The following SEMA3A variants were observed in gnomAD, a reference collection of about 807,000 sequenced individuals.
The protein encoded by SEMA3A is semaphorin 3A, also known as semaphorin-3A.
SEMA3A carries 29 observed loss-of-function variants against 97.9 expected under a neutral mutation model. The observed-to-expected ratio is 0.30, with a 90% CI of 0.22 to 0.40. SEMA3A has a LOEUF of 0.40. SEMA3A is among the 10% of genes least tolerant of loss of function. The probability of loss-of-function intolerance (pLI) is 1.00; values close to 1 mark genes in which losing one functional copy is unlikely to be tolerated. For missense variants in SEMA3A, 763 were observed against 951.3 expected (o/e 0.80, Z 2.60); for synonymous variants, 321 against 323.7 (o/e 0.99, Z 0.09).
At chr7:84,312,921 T>TATACACACACAC (rs1458168481) in intron 2 of SEMA3A, among the ~76,000 whole-genome samples, 1 of 32,888 alleles carries the variant, frequency 3.0e-5, no homozygotes, top group Non-Finnish European at 6.2e-5. Context: ...TATATATATA[T>TATACACACACAC]ACACACACAC....
intron 3 of SEMA3A, among the ~76,000 whole-genome samples, chr7:84,116,375 T>TA (rs1795431666): frequency 2.0e-5 from 3 of 152,294 alleles, no homozygotes; most frequent in Admixed American, 2.0e-4. Context: ...TTAGTTGCTT[T>TA]AAAAGGAGAT....
chr7:84,299,280 ATATATATC>A (rs1398350524), intron 3 of SEMA3A, among the ~76,000 whole-genome samples: 3 of 141,430 alleles, frequency 2.1e-5, no homozygotes, highest in African/African-American at 8.0e-5. Flanking sequence ...ATATCTCCAT[ATATATATC>A]TATCTCCATA....
chr7:84,001,061 TAATAC>T (rs1273335063), intron 12 of SEMA3A, among the ~76,000 whole-genome samples: 4 of 102,846 alleles, frequency 3.9e-5, no homozygotes, highest in Non-Finnish European at 6.3e-5. Flanking sequence ...CAACTTCTTC[TAATAC>T]GTGTTTTTTT....
chr7:84,063,077 C>T (rs566657217), intron 4 of SEMA3A, among the ~76,000 whole-genome samples: 21 of 151,836 alleles, frequency 1.4e-4, no homozygotes, highest in South Asian at 6.3e-4. Flanking sequence ...GATCTGAGAA[C>T]GGGCAGACTG....
At chr7:84,005,115 C>T (rs905914913) in intron 11 of SEMA3A, among the ~76,000 whole-genome samples, 3 of 152,128 alleles carry the variant, frequency 2.0e-5, no homozygotes, top group Admixed American at 1.3e-4. Context: ...ATACATATGG[C>T]ATACAACATA....
chr7:84,210,117 T>C (rs968508501), intron 3 of SEMA3A, among the ~76,000 whole-genome samples: 11 of 152,230 alleles, frequency 7.2e-5, no homozygotes, highest in Non-Finnish European at 1.2e-4. Context: ...TGAATAGTTA[T>C]CATTTTCAGC....
rs201522434 is a variant in SEMA3A at position 84,409,086 on chromosome 7, TA to T, written c.-245-37187del. 5.4e-3 allele frequency among the ~76,000 whole-genome samples: 794 copies of T among 147,660 alleles called. 5 individuals carry two copies. Among genetic ancestry groups the T allele is most frequent in the African/African-American group, 8.2e-3 (333 of 40,554 alleles). Reference sequence around the variant, plus strand: ...ATATATGTATATATATATTCAAATGTAAAAAAAAATACAGTTAGAAGGATAG... The same window carrying T: ...ATATATGTATATATATATTCAAATGTAAAAAAAATACAGTTAGAAGGATAG... On this transcript the variant is annotated intron_variant, in intron 1 of 3. Transcript: ENST00000424555.
chr7:83,985,626 A>T, intron 12 of SEMA3A, 149 bp from the exon 13 acceptor site: 1 of 673,724 alleles, frequency 1.5e-6, no homozygotes, highest in South Asian at 1.8e-5. Context: ...ACACATAAAG[A>T]AACTGCATAG....
rs888932562 is a variant in SEMA3A, at chr7:84,042,275, A to G, written c.667+4049T>C. Among the ~76,000 whole-genome samples, 3 of 152,082 alleles carry G rather than the reference A, an allele frequency of 2.0e-5. No homozygotes were observed. In the East Asian group the frequency reaches 5.8e-4, roughly 29 times the overall value. ...ACTTGCATACCATTTCAATTACAGA[A>G]AAAGAGCAAGTGAGTTAGTCTATCT... On this transcript the variant is annotated intron_variant, in intron 6 of 16. Transcript: ENST00000265362.
intron 1 of SEMA3A, among the ~76,000 whole-genome samples, chr7:84,165,665 G>T (rs930612636): frequency 2.0e-5 from 3 of 152,056 alleles, no homozygotes; most frequent in African/African-American, 7.2e-5. Flanking sequence ...TGAGTCTCCT[G>T]ACTCAGCCTC....
chr7:84,476,207 A>T (rs1233433719), intron 1 of SEMA3A, among the ~76,000 whole-genome samples: 1 of 151,668 alleles, frequency 6.6e-6, no homozygotes, highest in Non-Finnish European at 1.5e-5. Context: ...ATACAAACAA[A>T]ATTAGTCAGG....
At chr7:83,966,272 AGACTTAT>A (rs1300847378) in intron 15 of SEMA3A, among the ~76,000 whole-genome samples, 1 of 152,186 alleles carries the variant, frequency 6.6e-6, no homozygotes, top group African/African-American at 2.4e-5. Context: ...ATAGTCTTAT[AGACTTAT>A]AGACTATAAG....
chr7:84,377,773 T>C (rs1803144436), intron 1 of SEMA3A, among the ~76,000 whole-genome samples: 1 of 152,166 alleles, frequency 6.6e-6, no homozygotes, highest in Non-Finnish European at 1.5e-5. Context: ...AATAATTTTT[T>C]ATATGGAGGT....
At chr7:84,258,671 C>T (rs1799773006) in intron 3 of SEMA3A, among the ~76,000 whole-genome samples, 1 of 152,084 alleles carries the variant, frequency 6.6e-6, no homozygotes, top group African/African-American at 2.4e-5. Flanking sequence ...GCTTAGTGTG[C>T]TTTTCACAGA....
At chr7:84,347,440 G>A (rs1171547055) in intron 2 of SEMA3A, among the ~76,000 whole-genome samples, 1 of 146,190 alleles carries the variant, frequency 6.8e-6, no homozygotes, top group Non-Finnish European at 1.5e-5. Context: ...ACGAGACAGA[G>A]TCTGGTCTGT....
rs73386981 is a variant in SEMA3A at position 84,439,138 on chromosome 7, T to C, written c.-246+53322A>G. Among the ~76,000 whole-genome samples, 337 of 152,004 alleles carry C rather than the reference T, an allele frequency of 2.2e-3. 2 individuals carry two copies. Among genetic ancestry groups the C allele is most frequent in the African/African-American group, 7.6e-3 (315 of 41,468 alleles). Reference sequence around the variant, plus strand: ...AATACACATTAACTACCTGTACTTCTTGGGGTGTTGTGATTTAAGGACTTA... The same window carrying C: ...AATACACATTAACTACCTGTACTTCCTGGGGTGTTGTGATTTAAGGACTTA... On this transcript the variant is annotated intron_variant, in intron 1 of 3. Coordinates refer to the SEMA3A transcript ENST00000424555.
At chr7:84,336,378 C>T (rs1338232823) in intron 2 of SEMA3A, among the ~76,000 whole-genome samples, 1 of 152,046 alleles carries the variant, frequency 6.6e-6, no homozygotes, top group Non-Finnish European at 1.5e-5. Context: ...GAATAGAAGG[C>T]CAGTTTGGCT....
chr7:84,423,806 AG>A (rs1284697279), intron 1 of SEMA3A, among the ~76,000 whole-genome samples: 16 of 152,024 alleles, frequency 1.1e-4, no homozygotes, highest in African/African-American at 3.9e-4. Context: ...CAAATCAGCA[AG>A]AAAAAAATAA....
intron 4 of SEMA3A, among the ~76,000 whole-genome samples, chr7:84,072,106 T>C (rs185476974): frequency 6.6e-6 from 1 of 152,246 alleles, no homozygotes; most frequent in Non-Finnish European, 1.5e-5. Flanking sequence ...ATTATTAATA[T>C]ATTATTGATG....
Sources: gnomAD v4.1 joint callset for allele counts (sites outside exome capture counted in the v4.1 genomes callset) on GRCh38, gnomAD v4.1.1 for gene constraint, MANE v1.5 for transcripts, NCBI Gene and HGNC (gene_info 2026-07-23, HGNC 2026-07-21) for gene names.